TPCN2: variants seen among roughly 807,000 people sequenced by gnomAD.
TPCN2 encodes the protein two pore segment channel 2.
A neutral mutation model predicts 111.4 loss-of-function variants in TPCN2; 92 were observed. That is an observed-to-expected ratio of 0.83 (90% CI 0.70 to 0.98). TPCN2 has a LOEUF of 0.98. Among genes scored for constraint, TPCN2 ranks in the 50% least tolerant of loss-of-function variants. TPCN2 has a pLI of 0.00. For synonymous variants in TPCN2, 405 were observed against 414.5 expected (o/e 0.98, Z 0.28); for missense variants, 995 against 980.1 (o/e 1.02, Z -0.20).
intron 16 of TPCN2, chr11:69,079,478 T>G (rs1324660439): frequency 6.8e-6 from 2 of 294,890 alleles, no homozygotes; most frequent in Non-Finnish European, 1.3e-5. Flanking sequence ...TTGGTGTGTG[T>G]GTCACAAGCA....
intron 1 of TPCN2, among the ~76,000 whole-genome samples, chr11:69,053,090 T>C (rs1861304442): frequency 6.6e-6 from 1 of 152,202 alleles, no homozygotes; most frequent in Non-Finnish European, 1.5e-5. Context: ...CGCTGGCTGC[T>C]CTGTGGCAGG....
chr11:69,083,829 G>T, intron 18 of TPCN2, 116 bp from the exon 19 acceptor site: 1 of 868,730 alleles, frequency 1.2e-6, no homozygotes, highest in Non-Finnish European at 1.9e-6. Context: ...GTGTGGGTTG[G>T]TGGTCATTGG....
chr11:69,065,753 A>T (rs370141276), intron 7 of TPCN2, among the ~76,000 whole-genome samples: 1 of 152,196 alleles, frequency 6.6e-6, no homozygotes, highest in Non-Finnish European at 1.5e-5. Context: ...GATTTCCAAG[A>T]ACCAGGGTTG....
Position 69,064,321 on chromosome 11 carries a change from G to A in TPCN2, c.726+354G>A, listed in dbSNP as rs552077425. On this transcript the variant is annotated intron_variant, in intron 7 of 24. Transcript: ENST00000294309. ...CCCCCGCCCCTCCCCGCCCTTCCCC[G>A]CCAGGCTATTCACTGAGGGTGGGTC... Among the ~76,000 whole-genome samples the A allele has an allele frequency of 5.7e-4, 9 of 15,716 alleles. No individual in the cohort carries two copies. The South Asian group carries it at 9.7e-3, about 17-fold the overall frequency. The allele number at this position is 15,716 out of a possible 152,430, so 10.3% of individuals were successfully genotyped here.
intron 17 of TPCN2, 139 bp from the exon 18 acceptor site, chr11:69,081,261 C>A (rs751178518): frequency 3.4e-6 from 2 of 581,452 alleles, no homozygotes; most frequent in Admixed American, 2.8e-5. Flanking sequence ...CTTTTCTGCT[C>A]GGTGTTGGCT....
chr11:69,074,453 C>T (rs995316231), intron 13 of TPCN2, among the ~76,000 whole-genome samples: 13 of 151,892 alleles, frequency 8.6e-5, no homozygotes, highest in African/African-American at 2.9e-4. Context: ...CTTGAAGATA[C>T]GAAATAAATT....
intron 13 of TPCN2, 91 bp from the exon 14 acceptor site, chr11:69,078,390 CA>C: frequency 6.5e-7 from 1 of 1,528,740 alleles, no homozygotes; most frequent in Admixed American, 2.0e-5. Context: ...AGGAAAAAAT[CA>C]AATCCCAGAA....
chr11:69,066,914 G>T (rs1434129287), intron 7 of TPCN2, among the ~76,000 whole-genome samples: 1 of 152,190 alleles, frequency 6.6e-6, no homozygotes, highest in Non-Finnish European at 1.5e-5. Context: ...TGCCAGCTGT[G>T]TTTTGTGGCT....
At chr11:69,057,536 G>C in intron 4 of TPCN2, 42 bp from the exon 5 acceptor site, 1 of 1,568,512 alleles carries the variant, frequency 6.4e-7, no homozygotes, top group Non-Finnish European at 8.8e-7. Flanking sequence ...CAGGGCCAGC[G>C]TGTGGGGCTA....
intron 20 of TPCN2, 99 bp downstream of exon 20, chr11:69,085,385 G>A (rs1856227343): frequency 5.7e-6 from 7 of 1,224,570 alleles, no homozygotes; most frequent in Admixed American, 5.1e-5. Flanking sequence ...ATCTCAGGAT[G>A]GGAGGGTGTT....
At chr11:69,054,180 G>C (rs12285715) in intron 2 of TPCN2, 83 bp downstream of exon 2, 345,383 of 1,141,350 alleles carry the variant, frequency 0.3, 55,094 homozygotes, top group South Asian at 0.44. Context: ...CGACTGACTG[G>C]GTCCAAGGCC....
At chr11:69,058,391 T>C (rs928364722) in intron 5 of TPCN2, among the ~76,000 whole-genome samples, 1 of 149,526 alleles carries the variant, frequency 6.7e-6, no homozygotes, top group Non-Finnish European at 1.5e-5. Flanking sequence ...GAGATGGGGG[T>C]TGTTAGCACC....
At chr11:69,075,465 C>CTACA in intron 13 of TPCN2, among the ~76,000 whole-genome samples, 1 of 152,218 alleles carries the variant, frequency 6.6e-6, no homozygotes, top group Non-Finnish European at 1.5e-5. Flanking sequence ...GTAAGAAAAC[C>CTACA]TGTACATGCT....
chr11:69,064,952 C>A (rs1855200912), intron 7 of TPCN2, among the ~76,000 whole-genome samples: 1 of 120,700 alleles, frequency 8.3e-6, no homozygotes, highest in African/African-American at 2.9e-5. Context: ...TGTATGTGTG[C>A]ATGTGTAGTG....
chr11:69,085,321 TCA>T, intron 20 of TPCN2, 35 bp downstream of exon 20: 1 of 748,814 alleles, frequency 1.3e-6, no homozygotes, highest in African/African-American at 1.8e-5. Flanking sequence ...AGGGAGTGTC[TCA>T]GGGGTGCTGG....
Position 69,088,213 on chromosome 11 carries a change from A to C in TPCN2, c.*260A>C. On this transcript the variant is annotated 3_prime_UTR_variant, in exon 25 of 25. Coordinates refer to ENST00000294309, the MANE Select transcript of TPCN2 (RefSeq NM_139075.4). ...TGCTTCAGTGAGAATTCCCTCGTCG[A>C]CTCCACAGGGACCTTTCAGACAAAA... 2 of 483,920 alleles carry C rather than the reference A, an allele frequency of 4.1e-6. No individual in the cohort carries two copies. The highest frequency in any genetic ancestry group is 7.5e-6 in the Non-Finnish European group (2 of 268,336). 30.0% of individuals were successfully genotyped at this position (483,920 alleles called of 1,614,324 possible).
chr11:69,056,142 G>A (rs1168659039), intron 4 of TPCN2, among the ~76,000 whole-genome samples: 2 of 152,232 alleles, frequency 1.3e-5, no homozygotes, highest in Non-Finnish European at 2.9e-5. Flanking sequence ...CCACATCCAT[G>A]CCCATGGTGT....
chr11:69,076,247 G>A (rs113966765), intron 13 of TPCN2, among the ~76,000 whole-genome samples: 4,033 of 152,236 alleles, frequency 0.026, 83 homozygotes, highest in Middle Eastern at 0.1. Flanking sequence ...CCCGGGCTGC[G>A]GTTGGTTTGT....
chr11:69,049,180 C>A, intron 1 of TPCN2, 74 bp downstream of exon 1: 1 of 993,854 alleles, frequency 1.0e-6, no homozygotes, highest in Non-Finnish European at 1.3e-6. Context: ...GCTGTCCCAG[C>A]ACCCCGCTTT....
Sources: gnomAD v4.1 joint callset for allele counts (sites outside exome capture counted in the v4.1 genomes callset) on GRCh38, gnomAD v4.1.1 for gene constraint, MANE v1.5 for transcripts, NCBI Gene and HGNC (gene_info 2026-07-23, HGNC 2026-07-21) for gene names.